Variants in WDR88 observed in about 807,000 individuals in gnomAD.
WDR88 encodes the protein WD repeat-containing protein 88.
In WDR88, 40 loss-of-function variants were observed where a neutral mutation model predicts 46.8. The observed-to-expected ratio is 0.86, with a 90% confidence interval of 0.66 to 1.11. WDR88 has a LOEUF of 1.11. Ranked by LOEUF, WDR88 falls within the 50% of genes most tolerant of loss-of-function variation. The pLI, the probability that WDR88 is intolerant of heterozygous loss-of-function variation, is 0.00. For synonymous variants in WDR88, 235 were observed against 240.7 expected (o/e 0.98, Z 0.22); for missense variants, 562 against 602.4 (o/e 0.93, Z 0.70).
intron 7 of WDR88, among the ~76,000 whole-genome samples, chr19:33,157,521 A>ATG (rs1368122478): frequency 2.3e-3 from 198 of 85,588 alleles, no homozygotes; most frequent in African/African-American, 0.022. Context: ...ATGTATATAT[A>ATG]TGTGTATATA....
chr19:33,148,174 C>T (rs1301659656), intron 4 of WDR88, among the ~76,000 whole-genome samples: 6 of 151,818 alleles, frequency 4.0e-5, no homozygotes, highest in Non-Finnish European at 8.8e-5. Flanking sequence ...TGGAGGGGGT[C>T]ACTCTCCGTC....
chr19:33,171,120 G>C (rs1347370744), intron 9 of WDR88, among the ~76,000 whole-genome samples: 1 of 152,010 alleles, frequency 6.6e-6, no homozygotes, highest in African/African-American at 2.4e-5. Flanking sequence ...TGAGTAGCTG[G>C]GATTACAGGC....
intron 1 of WDR88, among the ~76,000 whole-genome samples, chr19:33,133,810 G>A (rs939975412): frequency 1.3e-5 from 2 of 152,180 alleles, no homozygotes; most frequent in Non-Finnish European, 2.9e-5. Flanking sequence ...CTGCCCCCAC[G>A]GTATTGCGCT....
Position 33,156,494 on chromosome 19 carries a change from A to G in WDR88, c.949A>G (p.Met317Val). 6.2e-7 allele frequency: 1 copy of G among 1,614,144 alleles called. No homozygotes were observed. Among genetic ancestry groups the G allele is most frequent in the Non-Finnish European group, 8.5e-7 (1 of 1,180,020 alleles). The change falls in exon 7 of 11, where the codon ATG (methionine) becomes GTG (valine). Residue 317 changes from methionine (M) to valine (V), a missense_variant. Met to Val is a conservative substitution (Grantham distance 21). Coordinates refer to ENST00000355868, the MANE Select transcript of WDR88 (RefSeq NM_173479.4). ...AAACTGTGGAGCCTGTGTGACTCTG[A>G]TGCAGGGCCATGAAGGTTCTGTCAG... is the stretch of plus-strand genomic sequence containing the variant. ...FRNCGACVTL[M>V]QGHEGSVSSC...
At chr19:33,155,751 C>A (rs971106649) in intron 6 of WDR88, among the ~76,000 whole-genome samples, 7 of 152,192 alleles carry the variant, frequency 4.6e-5, no homozygotes, top group African/African-American at 1.7e-4. Context: ...CAGAATCTTC[C>A]CAAATGAGGG....
intron 1 of WDR88, among the ~76,000 whole-genome samples, chr19:33,136,485 C>T (rs1013302731): frequency 2.6e-5 from 4 of 152,072 alleles, no homozygotes; most frequent in Non-Finnish European, 5.9e-5. Flanking sequence ...GCCACCGCGC[C>T]CGGCCACACT....
intron 7 of WDR88, among the ~76,000 whole-genome samples, chr19:33,159,713 G>A (rs1568368474): frequency 6.6e-6 from 1 of 152,080 alleles, no homozygotes; most frequent in Non-Finnish European, 1.5e-5. Context: ...CCTTTCTGGC[G>A]CCAGGGACAG....
intron 1 of WDR88, 137 bp downstream of exon 1, chr19:33,132,582 C>CATCTGTGGTAT: frequency 7.5e-7 from 1 of 1,333,674 alleles, no homozygotes; most frequent in Non-Finnish European, 1.0e-6. Flanking sequence ...CCCATTTCCC[C>CATCTGTGGTAT]ATCTGTGGTA....
At chr19:33,134,126 G>C (rs1440556835) in intron 1 of WDR88, among the ~76,000 whole-genome samples, 3 of 152,170 alleles carry the variant, frequency 2.0e-5, no homozygotes, top group Admixed American at 2.0e-4. Context: ...CCTCTGAAAT[G>C]TACTCATGTG....
At chr19:33,174,211 G>T in intron 10 of WDR88, 1 of 1,536,528 alleles carries the variant, frequency 6.5e-7, no homozygotes, top group Non-Finnish European at 8.7e-7. Context: ...TGAAGCTGAA[G>T]CAAGGATGAG....
intron 7 of WDR88, among the ~76,000 whole-genome samples, chr19:33,159,308 G>C (rs1973820948): frequency 6.6e-6 from 1 of 151,498 alleles, no homozygotes; most frequent in Non-Finnish European, 1.5e-5. Flanking sequence ...ACTCTAGCCT[G>C]GGTGACAGAG....
chr19:33,133,440 C>T (rs1425414967), intron 1 of WDR88, among the ~76,000 whole-genome samples: 1 of 152,024 alleles, frequency 6.6e-6, no homozygotes, highest in Non-Finnish European at 1.5e-5. Context: ...CCCAGCTACT[C>T]AGGAGGCTGA....
intron 6 of WDR88, 96 bp from the exon 7 acceptor site, chr19:33,156,259 T>A: frequency 7.6e-7 from 1 of 1,316,752 alleles, no homozygotes; most frequent in Non-Finnish European, 1.0e-6. Flanking sequence ...AGCCCGACCA[T>A]GAGCTCACAG....
chr19:33,145,697 G>T (rs1973498020), intron 3 of WDR88, among the ~76,000 whole-genome samples: 1 of 151,996 alleles, frequency 6.6e-6, no homozygotes, highest in Non-Finnish European at 1.5e-5. Flanking sequence ...ACCACAGCTG[G>T]CTAATTTTTT....
chr19:33,175,279 A>G (rs1974103724), intron 10 of WDR88, 117 bp from the exon 11 acceptor site: 1 of 1,095,010 alleles, frequency 9.1e-7, no homozygotes, highest in Non-Finnish European at 1.3e-6. Flanking sequence ...AAGAGATTCC[A>G]GAGAGGGGAA....
At position 33,172,391 on chromosome 19, in the gene WDR88, T is replaced by C; in HGVS notation, c.1193T>C (p.Ile398Thr). Residue 398 changes from isoleucine to threonine, a missense_variant, in exon 10 of 11, where the codon ATT becomes ACT. Ile to Thr is a moderately conservative substitution (Grantham distance 89). Transcript: ENST00000355868. ...TGGAATATTGAAGAAATTGATGAAA[T>C]TCCTTTGGTAATCAAGTACAAAAAG... ...RLWNIEEIDE[I>T]PLVIKYKKAV... 1 of 1,614,096 alleles carries C rather than the reference T, an allele frequency of 6.2e-7. No individual in the cohort carries two copies. The highest frequency in any genetic ancestry group is 8.5e-7 in the Non-Finnish European group (1 of 1,179,994).
chr19:33,159,085 T>C (rs2145406495), intron 7 of WDR88, among the ~76,000 whole-genome samples: 1 of 150,958 alleles, frequency 6.6e-6, no homozygotes, highest in Admixed American at 6.7e-5. Context: ...ATTTCAGTGC[T>C]GGGGGGGTGC....
intron 9 of WDR88, among the ~76,000 whole-genome samples, chr19:33,168,316 G>A (rs986731188): frequency 1.3e-5 from 2 of 151,994 alleles, no homozygotes; most frequent in African/African-American, 4.8e-5. Context: ...ATGAGCCACC[G>A]TGCCCGGCCC....
chr19:33,167,616 A>G (rs550814138), intron 9 of WDR88, among the ~76,000 whole-genome samples: 1 of 152,104 alleles, frequency 6.6e-6, no homozygotes, highest in South Asian at 2.1e-4. Context: ...TTGAAAAGGA[A>G]GAGGTAAAAT....
Sources: gnomAD v4.1 joint callset for allele counts (sites outside exome capture counted in the v4.1 genomes callset) on GRCh38, gnomAD v4.1.1 for gene constraint, MANE v1.5 for transcripts, NCBI Gene and HGNC (gene_info 2026-07-23, HGNC 2026-07-21) for gene names.